Variants in SBF2 observed in about 807,000 individuals in gnomAD.
SBF2 encodes the protein myotubularin-related protein 13.
SBF2 carries 112 observed loss-of-function variants against 225.2 expected under a neutral mutation model. The ratio of observed to expected loss-of-function variants is 0.50; its 90% CI spans 0.43 to 0.58. The LOEUF is 0.58. Among genes scored for constraint, SBF2 ranks in the 20% least tolerant of loss-of-function variants. The probability of loss-of-function intolerance (pLI) is 0.00; values close to 1 mark genes in which losing one functional copy is unlikely to be tolerated. For missense variants in SBF2, 1,996 were observed against 2,206.2 expected (o/e 0.90, Z 1.91); for synonymous variants, 763 against 773.3 (o/e 0.99, Z 0.22).
At chr11:10,189,207 T>C (rs1326047019) in intron 2 of SBF2, among the ~76,000 whole-genome samples, 1 of 152,222 alleles carries the variant, frequency 6.6e-6, no homozygotes, top group East Asian at 1.9e-4. Flanking sequence ...TAGCTTTATA[T>C]ACTCACATGC....
At chr11:10,068,301 T>G (rs984957025) in intron 2 of SBF2, among the ~76,000 whole-genome samples, 1 of 152,236 alleles carries the variant, frequency 6.6e-6, no homozygotes, top group Non-Finnish European at 1.5e-5. Flanking sequence ...GAATCCTCAT[T>G]TTGGTCAGTT....
chr11:10,098,937 G>C (rs1291348315), intron 2 of SBF2, among the ~76,000 whole-genome samples: 1 of 151,910 alleles, frequency 6.6e-6, no homozygotes, highest in East Asian at 1.9e-4. Context: ...ATGCATGATA[G>C]AAGTCTCAGA....
At chr11:10,106,479 A>T (rs1300500640) in intron 2 of SBF2, among the ~76,000 whole-genome samples, 2 of 152,024 alleles carry the variant, frequency 1.3e-5, no homozygotes, top group Non-Finnish European at 2.9e-5. Context: ...ATACAAAAAA[A>T]ATAGCCGGAC....
At chr11:10,147,332 T>C (rs886290259) in intron 2 of SBF2, among the ~76,000 whole-genome samples, 1 of 152,156 alleles carries the variant, frequency 6.6e-6, no homozygotes, top group African/African-American at 2.4e-5. Flanking sequence ...TGTCCATCAA[T>C]GGTAGACTGG....
chr11:10,076,414 G>A (rs1951112905), intron 2 of SBF2, among the ~76,000 whole-genome samples: 1 of 152,210 alleles, frequency 6.6e-6, no homozygotes, highest in African/African-American at 2.4e-5. Context: ...TTGCAATCCA[G>A]TCTCTAGTGG....
intron 32 of SBF2, among the ~76,000 whole-genome samples, chr11:9,804,189 C>G (rs1413934342): frequency 6.6e-6 from 1 of 152,124 alleles, no homozygotes; most frequent in Non-Finnish European, 1.5e-5. Context: ...GAACACCAGA[C>G]ACAACTGGGT....
At chr11:10,292,652 G>A (rs1343384921) in intron 1 of SBF2, among the ~76,000 whole-genome samples, 3 of 140,822 alleles carry the variant, frequency 2.1e-5, no homozygotes, top group South Asian at 4.8e-4. Flanking sequence ...GCACTCCAGC[G>A]TGGGCAACAG....
At chr11:9,900,767 T>A (rs1240332581) in intron 16 of SBF2, among the ~76,000 whole-genome samples, 2 of 152,206 alleles carry the variant, frequency 1.3e-5, no homozygotes, top group African/African-American at 4.8e-5. Context: ...TTAGACAGGA[T>A]CCTGCTCTGT....
At chr11:10,182,427 G>C (rs1956771583) in intron 2 of SBF2, among the ~76,000 whole-genome samples, 1 of 152,124 alleles carries the variant, frequency 6.6e-6, no homozygotes. Context: ...AAATCCTAGA[G>C]TTCAGTATTC....
intron 2 of SBF2, among the ~76,000 whole-genome samples, chr11:10,059,578 T>C (rs1235778589): frequency 1.3e-5 from 2 of 152,170 alleles, no homozygotes; most frequent in Non-Finnish European, 2.9e-5. Flanking sequence ...AGAATATACA[T>C]TCTTCTCATC....
intron 1 of SBF2, among the ~76,000 whole-genome samples, chr11:10,220,354 A>T (rs1371917746): frequency 1.3e-5 from 2 of 152,316 alleles, no homozygotes; most frequent in East Asian, 3.9e-4. Flanking sequence ...GAGAATTATG[A>T]GAGCTACAAT....
At chr11:10,283,162 C>A (rs946230295) in intron 1 of SBF2, among the ~76,000 whole-genome samples, 3 of 152,044 alleles carry the variant, frequency 2.0e-5, no homozygotes, top group Non-Finnish European at 2.9e-5. Context: ...AGACCTTATC[C>A]ACTAATGACT....
intron 2 of SBF2, among the ~76,000 whole-genome samples, chr11:10,192,116 G>T (rs1957199032): frequency 6.6e-6 from 1 of 152,128 alleles, no homozygotes; most frequent in Non-Finnish European, 1.5e-5. Flanking sequence ...TTGAAACAGG[G>T]TTTAAAAGCT....
intron 23 of SBF2, among the ~76,000 whole-genome samples, chr11:9,846,085 C>G (rs966246184): frequency 2.0e-5 from 3 of 152,098 alleles, no homozygotes; most frequent in African/African-American, 7.2e-5. Context: ...CTCTTCCTAC[C>G]CAGATACAAC....
intron 2 of SBF2, among the ~76,000 whole-genome samples, chr11:10,089,316 C>T (rs896427264): frequency 1.8e-4 from 27 of 152,154 alleles, no homozygotes; most frequent in African/African-American, 3.4e-4. Context: ...ATATATGCAG[C>T]CCGTCATTGA....
In SBF2 at chr11:10,031,089, G is replaced by A; in HGVS notation, c.361C>T (p.Leu121=). 1 of 1,613,290 alleles carries A rather than the reference G, an allele frequency of 6.2e-7. No individual in the cohort carries two copies. Among genetic ancestry groups the A allele is most frequent in the Non-Finnish European group, 8.5e-7 (1 of 1,179,482 alleles). Residue 121 remains leucine (L), a synonymous_variant, in exon 4 of 40, where the codon CTG becomes TTG. Transcript: ENST00000256190. The stretch of plus-strand genomic sequence containing the variant: ...TAATATAATCTGGATACCAACACCA[G>A]GCTTTTGGGAGCAAACACTTCTGCA... ...QPAEVFAPKS[L]VLVSRLYYPE... is the part of the protein sequence containing the mutation.
At chr11:9,818,666 C>G (rs571481440) in intron 28 of SBF2, among the ~76,000 whole-genome samples, 1 of 152,148 alleles carries the variant, frequency 6.6e-6, no homozygotes, top group Non-Finnish European at 1.5e-5. Flanking sequence ...TAAGCATTTA[C>G]GGGGTCAGGA....
intron 14 of SBF2, among the ~76,000 whole-genome samples, chr11:9,967,371 C>CAA (rs35271700): frequency 4.8e-5 from 5 of 103,778 alleles, no homozygotes; most frequent in Non-Finnish European, 5.9e-5. Flanking sequence ...GACTCCGTCT[C>CAA]AAAAAAAAAA....
chr11:10,068,218 T>C (rs1405983487), intron 2 of SBF2, among the ~76,000 whole-genome samples: 1 of 152,210 alleles, frequency 6.6e-6, no homozygotes, highest in Non-Finnish European at 1.5e-5. Flanking sequence ...TATACAGTAT[T>C]AAGTGCTTCC....
Sources: gnomAD v4.1 joint callset for allele counts (sites outside exome capture counted in the v4.1 genomes callset) on GRCh38, gnomAD v4.1.1 for gene constraint, MANE v1.5 for transcripts, NCBI Gene and HGNC (gene_info 2026-07-23, HGNC 2026-07-21) for gene names.